Variants in GRIA3 observed in about 807,000 individuals in gnomAD.
GRIA3 encodes the protein glutamate ionotropic receptor AMPA type subunit 3, also known as glutamate receptor 3.
In GRIA3, 3 loss-of-function variants were observed where a neutral mutation model predicts 63.0. The ratio of observed to expected loss-of-function variants is 0.05; its 90% confidence interval spans 0.02 to 0.12. The LOEUF (loss-of-function observed/expected upper bound fraction) is 0.12. Among genes scored for constraint, GRIA3 ranks in the 10% least tolerant of loss-of-function variants. GRIA3 has a pLI of 1.00. For missense variants in GRIA3, 347 were observed against 700.9 expected (o/e 0.50, Z 5.70); for synonymous variants, 274 against 257.9 (o/e 1.06, Z -0.60).
intron 3 of GRIA3, among the ~76,000 whole-genome samples, chrX:123,310,441 C>T (rs1328221787): frequency 8.9e-6 from 1 of 112,923 alleles, no homozygotes; most frequent in East Asian, 2.8e-4. Context: ...TAGACTTTTC[C>T]CTCCATCTTG....
chrX:123,456,874 T>C (rs1029286158), intron 12 of GRIA3, among the ~76,000 whole-genome samples: 1 of 111,842 alleles, frequency 8.9e-6, no homozygotes, highest in Non-Finnish European at 1.9e-5. Flanking sequence ...TTCAGGCAGA[T>C]GGAGGCCCAA....
intron 12 of GRIA3, among the ~76,000 whole-genome samples, chrX:123,431,598 C>T (rs2045618619): frequency 8.9e-6 from 1 of 112,092 alleles, no homozygotes; most frequent in South Asian, 3.7e-4. Context: ...TGTTGTTGCC[C>T]AGAGAAATGC....
At chrX:123,338,173 T>C (rs1335645683) in intron 4 of GRIA3, among the ~76,000 whole-genome samples, 1 of 112,291 alleles carries the variant, frequency 8.9e-6, no homozygotes, top group East Asian at 2.8e-4. Context: ...CCCTGCATTT[T>C]CTTTCATCAG....
chrX:123,289,685 G>A (rs977751422), intron 3 of GRIA3, among the ~76,000 whole-genome samples: 6 of 109,536 alleles, frequency 5.5e-5, no homozygotes, highest in East Asian at 2.9e-4. Context: ...CCTTTCCTGC[G>A]TCTTCATGTC....
chrX:123,185,974 T>C lies in GRIA3; in HGVS notation c.252T>C (p.Phe84=). 3 of 1,207,301 alleles carry C rather than the reference T, an allele frequency of 2.5e-6. No individual in the cohort carries two copies. The highest frequency in any genetic ancestry group is 3.4e-6 in the Non-Finnish European group (3 of 891,749). ...HVDHLDSSNS[F]SVTNAFCSQF... is the part of the protein sequence containing the mutation. Reference sequence around the variant, plus strand: ...ATCACTTGGATTCCTCCAATAGTTTTTCCGTGACAAATGCTTGTAAGTAGA... The same window carrying C: ...ATCACTTGGATTCCTCCAATAGTTTCTCCGTGACAAATGCTTGTAAGTAGA... Residue 84 remains phenylalanine, a synonymous_variant, in exon 2 of 16, where the codon TTT becomes TTC. Transcript: ENST00000620443.
At chrX:123,261,593 G>A (rs182077064) in intron 3 of GRIA3, among the ~76,000 whole-genome samples, 5 of 111,572 alleles carry the variant, frequency 4.5e-5, no homozygotes, top group South Asian at 3.8e-4. Flanking sequence ...CTTCATATGC[G>A]GAAATGGTGC....
chrX:123,429,575 T>C (rs2045607064), intron 12 of GRIA3, among the ~76,000 whole-genome samples: 1 of 111,803 alleles, frequency 8.9e-6, no homozygotes, highest in Non-Finnish European at 1.9e-5. Flanking sequence ...TCACTCACAT[T>C]TATCGGGGCT....
chrX:123,280,515 A>C (rs1259778252), intron 3 of GRIA3, among the ~76,000 whole-genome samples: 2 of 111,898 alleles, frequency 1.8e-5, no homozygotes, highest in Non-Finnish European at 3.8e-5. Context: ...TATTCTGATA[A>C]ACTGGGTTTA....
In GRIA3 at chrX:123,395,161, G is replaced by A. The variant is rs770179003; in HGVS notation, c.912+32G>A. The A allele has an allele frequency of 9.7e-6, 11 of 1,134,179 alleles. 1 individual carries two copies. The South Asian group carries it at 1.3e-4, about 13-fold the overall frequency. The allele number at this position is 1,134,179 out of a possible 1,213,427, so 93.5% of individuals were successfully genotyped here. A position where few individuals can be genotyped will look rare whatever the true frequency, so the allele number is the denominator to read the frequency against. ...TTCCATGGCATGTAAAAAACCTAAG[G>A]CCAGCTTTTCAAAGTATCTCAGTAT... On this transcript the variant is annotated intron_variant, in intron 6 of 15. Coordinates refer to ENST00000620443, the MANE Select transcript of GRIA3 (RefSeq NM_007325.5).
At chrX:123,229,600 C>T (rs1262883568) in intron 2 of GRIA3, among the ~76,000 whole-genome samples, 1 of 111,510 alleles carries the variant, frequency 9.0e-6, no homozygotes, top group Non-Finnish European at 1.9e-5. Context: ...AAACAGAGGC[C>T]AGCTTTCAGA....
rs983101895 is a variant in GRIA3, at chrX:123,186,361, G to A, written c.268+371G>A. On this transcript the variant is annotated intron_variant, in intron 2 of 15. Transcript: ENST00000620443. ...ACGGTTGTTCAGAGAAATTTCTTCAGATGAGATTTAAAAAAGCAGCAGCAG... is the reference window on the plus strand; with the variant it reads ...ACGGTTGTTCAGAGAAATTTCTTCAAATGAGATTTAAAAAAGCAGCAGCAG... Among the ~76,000 whole-genome samples the A allele has an allele frequency of 2.7e-5, 3 of 111,375 alleles. No homozygotes were observed. In the East Asian group the frequency reaches 8.4e-4, roughly 31 times the overall value.
intron 2 of GRIA3, among the ~76,000 whole-genome samples, chrX:123,238,874 A>G (rs2044315386): frequency 9.1e-6 from 1 of 110,404 alleles, no homozygotes; most frequent in African/African-American, 3.3e-5. Flanking sequence ...AGATAAATGG[A>G]TAGGAAAGGT....
chrX:123,398,579 G>A, intron 6 of GRIA3, 57 bp from the exon 7 acceptor site: 2 of 1,004,179 alleles, frequency 2.0e-6, no homozygotes, highest in East Asian at 3.1e-5. Context: ...AAGAAACAAG[G>A]CAAATTTTGA....
At chrX:123,452,586 C>A in intron 12 of GRIA3, among the ~76,000 whole-genome samples, 1 of 111,728 alleles carries the variant, frequency 9.0e-6, no homozygotes, top group Non-Finnish European at 1.9e-5. Flanking sequence ...CCTGTATTGT[C>A]AGGTTTGGCC....
chrX:123,413,778 G>A (rs745361580), intron 10 of GRIA3, among the ~76,000 whole-genome samples: 13 of 110,851 alleles, frequency 1.2e-4, no homozygotes, highest in African/African-American at 3.6e-4. Flanking sequence ...GAAAGTGAAG[G>A]ACAGAACCTT....
chrX:123,215,192 C>G (rs890421176), intron 2 of GRIA3, among the ~76,000 whole-genome samples: 2 of 112,019 alleles, frequency 1.8e-5, no homozygotes, highest in Non-Finnish European at 3.8e-5. Context: ...ACAAGTCCCA[C>G]TAAATTGTCC....
At position 123,482,792 on chromosome X, in the gene GRIA3, C is replaced by A; in HGVS notation, c.2440-7C>A. ...CAAGATCTAATCACGTTGTTCATTT[C>A]TCTTAGGACAAGACCAGCGCTCTGA... On this transcript the variant is annotated splice_polypyrimidine_tract_variant and splice_region_variant and intron_variant, in intron 14 of 15. Transcript: ENST00000620443. 1 of 1,210,594 alleles carries A rather than the reference C, an allele frequency of 8.3e-7. No individual in the cohort carries two copies. Among genetic ancestry groups the A allele is most frequent in the Non-Finnish European group, 1.1e-6 (1 of 894,250 alleles).
chrX:123,302,743 G>T (rs984689224), intron 3 of GRIA3, among the ~76,000 whole-genome samples: 1 of 111,445 alleles, frequency 9.0e-6, no homozygotes, highest in African/African-American at 3.3e-5. Flanking sequence ...ACATTGGCCT[G>T]TGTGATCTTC....
intron 13 of GRIA3, chrX:123,465,573 G>A: frequency 1.6e-6 from 1 of 627,149 alleles, no homozygotes; most frequent in Non-Finnish European, 2.6e-6. Context: ...TCCACGTTCT[G>A]TGAAATTTAG....
Sources: gnomAD v4.1 joint callset for allele counts (sites outside exome capture counted in the v4.1 genomes callset) on GRCh38, gnomAD v4.1.1 for gene constraint, MANE v1.5 for transcripts, NCBI Gene and HGNC (gene_info 2026-07-23, HGNC 2026-07-21) for gene names.